The following TMEM63A variants were observed in gnomAD, a reference collection of about 807,000 sequenced individuals.
The protein encoded by TMEM63A is mechanosensitive cation channel TMEM63A.
TMEM63A carries 76 observed loss-of-function variants against 100.6 expected under a neutral mutation model. The ratio of observed to expected loss-of-function variants is 0.76; its 90% CI spans 0.63 to 0.91. TMEM63A has a LOEUF of 0.91. Among genes scored for constraint, TMEM63A ranks in the 40% least tolerant of loss-of-function variants. The pLI is 0.00. For missense variants in TMEM63A, 876 were observed against 1,008.8 expected (o/e 0.87, Z 1.78); for synonymous variants, 401 against 401.1 (o/e 1.00, Z 0.00).
At chr1:225,857,123 G>A in intron 15 of TMEM63A, 106 bp from the exon 16 acceptor site, 1 of 976,382 alleles carries the variant, frequency 1.0e-6, no homozygotes, top group Non-Finnish European at 1.4e-6. Context: ...CAGGGTAGGA[G>A]TTTGTCATCT....
Position 225,865,937 on chromosome 1 carries a change from G to A in TMEM63A, c.706C>T (p.Pro236Ser). ...ACAGTCTCCTTCCTGGCATCTCTGG[G>A]GAGTCCTGTGATGAACAGGGTCCGC... ...VRRTLFITGLPRDARKETVES... is the reference protein window; with the variant it reads ...VRRTLFITGLSRDARKETVES... Residue 236 changes from proline to serine, a missense_variant, in exon 10 of 25, where the codon CCC (proline) becomes TCC (serine). Coordinates refer to ENST00000366835, the MANE Select transcript of TMEM63A (RefSeq NM_014698.3). The surrounding 1 kb of genome is among the most constrained non-coding windows in gnomAD (Gnocchi z 4.6). 1 of 1,614,002 alleles carries A rather than the reference G, an allele frequency of 6.2e-7. No individual in the cohort carries two copies. The highest frequency in any genetic ancestry group is 8.5e-7 in the Non-Finnish European group (1 of 1,179,934).
chr1:225,855,867 G>GC lies in TMEM63A; in HGVS notation c.1634+10dup. On this transcript the variant is annotated intron_variant, in intron 18 of 24. Coordinates refer to ENST00000366835, the MANE Select transcript of TMEM63A (RefSeq NM_014698.3). ...GGCCATGGCTCCAGAACTCAACTTG[G>GC]CAATACTCACTCCAACCTGATGGAG... The GC allele has an allele frequency of 6.2e-7, 1 of 1,613,812 alleles. No individual in the cohort carries two copies. The highest frequency in any genetic ancestry group is 1.3e-5 in the African/African-American group (1 of 74,998).
At position 225,865,558 on chromosome 1, in the gene TMEM63A, G is replaced by A. The variant is rs1399498082; in HGVS notation, c.746+339C>T. On this transcript the variant is annotated intron_variant, in intron 10 of 24. Coordinates refer to ENST00000366835, the MANE Select transcript of TMEM63A (RefSeq NM_014698.3). The surrounding 1 kb of genome is among the most constrained non-coding windows in gnomAD (Gnocchi z 4.6). ...GCTCAGCTCACGTCTCTCTTATTCTGCAAAGGTGATGCTAAGAACCCCGGG... is the reference window on the plus strand; with the variant it reads ...GCTCAGCTCACGTCTCTCTTATTCTACAAAGGTGATGCTAAGAACCCCGGG... 6 of 248,478 alleles carry A rather than the reference G, an allele frequency of 2.4e-5. No individual in the cohort carries two copies. Among genetic ancestry groups the A allele is most frequent in the African/African-American group, 1.3e-4 (6 of 46,100 alleles). 15.4% of individuals were successfully genotyped at this position (248,478 alleles called of 1,614,324 possible).
At chr1:225,861,762 G>A (rs1669950272) in intron 13 of TMEM63A, 1 of 192,482 alleles carries the variant, frequency 5.2e-6, no homozygotes, top group South Asian at 1.1e-4. Flanking sequence ...CCCCACTGCA[G>A]TGAGCGCCCC....
chr1:225,844,520 C>CT (rs1668754398), downstream of TMEM63A: 6 of 1,614,164 alleles, frequency 3.7e-6, no homozygotes, highest in Non-Finnish European at 4.2e-6. Context: ...GGACGACCTG[C>CT]TGACCAACGT....
intron 3 of TMEM63A, among the ~76,000 whole-genome samples, chr1:225,875,671 GC>G (rs1242365117): frequency 6.6e-6 from 1 of 151,778 alleles, no homozygotes; most frequent in African/African-American, 2.4e-5. Context: ...TGCCGCCCTG[GC>G]CTGTGCAGTG....
chr1:225,873,062 G>A (rs916079527), intron 4 of TMEM63A, among the ~76,000 whole-genome samples: 1 of 152,090 alleles, frequency 6.6e-6, no homozygotes, highest in African/African-American at 2.4e-5. Context: ...AACACATGAC[G>A]AAACTTAACT....
At chr1:225,842,317 C>G (rs764469851), downstream of TMEM63A, 15 of 1,381,062 alleles carry the variant, frequency 1.1e-5, no homozygotes, top group South Asian at 1.4e-4. Context: ...AGCTCCAGCT[C>G]TCTGGTCCCC....
At chr1:225,861,122 G>T in intron 13 of TMEM63A, 125 bp from the exon 14 acceptor site, 1 of 1,111,522 alleles carries the variant, frequency 9.0e-7, no homozygotes, top group Non-Finnish European at 1.3e-6. Flanking sequence ...TGTGATTAGT[G>T]TATTATGAGT....
chr1:225,867,634 C>T lies in TMEM63A; in HGVS notation c.514+254G>A, dbSNP rs1670279120. On this transcript the variant is annotated intron_variant, in intron 7 of 24. Transcript: ENST00000366835. The surrounding 1 kb of genome is among the most constrained non-coding windows in gnomAD (Gnocchi z 4.6). The stretch of plus-strand genomic sequence containing the variant: ...AAAGTATAAAAGACTCTCTGATAGC[C>T]CCTGATTCTGTAAATCTTGGGGGGC... Among the ~76,000 whole-genome samples, 4 of 152,076 alleles carry T rather than the reference C, an allele frequency of 2.6e-5. No individual in the cohort carries two copies. In the South Asian group the frequency reaches 8.3e-4, roughly 32 times the overall value.
At chr1:225,848,389 G>C (rs990316810) in intron 23 of TMEM63A, 103 bp downstream of exon 23, 37 of 1,251,038 alleles carry the variant, frequency 3.0e-5, no homozygotes, top group Non-Finnish European at 3.4e-5. Flanking sequence ...TGTGATCTTA[G>C]CAAGAGATGA....
chr1:225,842,991 G>T (rs558558758), downstream of TMEM63A, among the ~76,000 whole-genome samples: 4 of 152,312 alleles, frequency 2.6e-5, no homozygotes, highest in African/African-American at 9.6e-5. Context: ...CCCTTTCCAG[G>T]GCCCATCCCT....
intron 23 of TMEM63A, among the ~76,000 whole-genome samples, chr1:225,847,834 C>A (rs1455347676): frequency 6.6e-6 from 1 of 152,204 alleles, no homozygotes; most frequent in Non-Finnish European, 1.5e-5. Flanking sequence ...GAGAGCCTGA[C>A]ACCTGGGAGG....
intron 3 of TMEM63A, among the ~76,000 whole-genome samples, chr1:225,876,415 C>T (rs770968809): frequency 3.3e-5 from 5 of 152,168 alleles, no homozygotes; most frequent in Non-Finnish European, 7.3e-5. Flanking sequence ...GCCCCCTTCA[C>T]TCAGATGGTC....
At chr1:225,856,816 C>T (rs567216298) in intron 16 of TMEM63A, 78 bp from the exon 17 acceptor site, 14 of 1,583,836 alleles carry the variant, frequency 8.8e-6, no homozygotes, top group East Asian at 4.5e-5. Context: ...GCCATGTGCC[C>T]ACTGCCTGAG....
chr1:225,856,046 T>C, intron 17 of TMEM63A, 106 bp from the exon 18 acceptor site: 1 of 1,188,256 alleles, frequency 8.4e-7, no homozygotes, highest in South Asian at 1.4e-5. Context: ...AGCTCGAGAT[T>C]GACTTTTGTT....
Position 225,848,379 on chromosome 1 carries a change from T to C in TMEM63A, c.2250+113A>G, listed in dbSNP as rs1337403592. On this transcript the variant is annotated intron_variant, in intron 23 of 24. Coordinates refer to ENST00000366835, the MANE Select transcript of TMEM63A (RefSeq NM_014698.3). Reference sequence around the variant, plus strand: ...CATTAATTCACAAACTTGCCTGCCATGTGATCTTAGCAAGAGATGATCAAA... The same window carrying C: ...CATTAATTCACAAACTTGCCTGCCACGTGATCTTAGCAAGAGATGATCAAA... The C allele has an allele frequency of 2.6e-6, 3 of 1,139,070 alleles. No homozygotes were observed. In the Admixed American group the frequency reaches 7.4e-5, roughly 28 times the overall value. 70.6% of individuals were successfully genotyped at this position (1,139,070 alleles called of 1,614,324 possible).
intron 3 of TMEM63A, among the ~76,000 whole-genome samples, chr1:225,875,305 T>C (rs1486152233): frequency 2.6e-5 from 4 of 152,314 alleles, no homozygotes; most frequent in Non-Finnish European, 5.9e-5. Context: ...TAGACATCTG[T>C]ACACTCTAGA....
downstream of TMEM63A, chr1:225,844,489 C>T (rs777640082): frequency 2.4e-5 from 39 of 1,613,992 alleles, 1 homozygote; most frequent in South Asian, 1.5e-4. Context: ...TTGTGTTCTG[C>T]GTTCCCAGGA....
Sources: allele counts gnomAD v4.1 joint callset (sites outside exome capture counted in the v4.1 genomes callset), GRCh38; gene constraint gnomAD v4.1.1; non-coding constraint Gnocchi (gnomAD v3.1); transcripts MANE v1.5; gene names NCBI Gene and HGNC (gene_info 2026-07-23, HGNC 2026-07-21).